LRRC4C: variants seen among roughly 807,000 people sequenced by gnomAD.
LRRC4C encodes the protein leucine-rich repeat-containing protein 4C.
LRRC4C carries 5 observed loss-of-function variants against 33.6 expected under a neutral mutation model. The ratio of observed to expected loss-of-function variants is 0.15; its 90% CI spans 0.08 to 0.31. LRRC4C has a LOEUF of 0.31. Ranked by LOEUF, LRRC4C falls within the 10% of genes least tolerant of loss-of-function variation. The probability of loss-of-function intolerance (pLI) is 1.00; values close to 1 mark genes in which losing one functional copy is unlikely to be tolerated. For synonymous variants in LRRC4C, 329 were observed against 302.0 expected (o/e 1.09, Z -0.93); for missense variants, 560 against 796.7 (o/e 0.70, Z 3.58).
chr11:40,183,200 AT>A (rs202096615), intron 5 of LRRC4C, among the ~76,000 whole-genome samples: 2 of 151,516 alleles, frequency 1.3e-5, no homozygotes, highest in Non-Finnish European at 1.5e-5. Context: ...TAATCAAGGC[AT>A]TTTTTTTTCT....
At chr11:40,192,944 C>G (rs1861964507) in intron 5 of LRRC4C, among the ~76,000 whole-genome samples, 1 of 152,232 alleles carries the variant, frequency 6.6e-6, no homozygotes, top group Non-Finnish European at 1.5e-5. Context: ...AGAAAGGCAG[C>G]AGCCCCAGTC....
intron 2 of LRRC4C, among the ~76,000 whole-genome samples, chr11:40,752,444 T>C (rs1156787651): frequency 6.6e-6 from 1 of 151,892 alleles, no homozygotes; most frequent in East Asian, 1.9e-4. Context: ...ACAAGTAACC[T>C]GAATAAACAA....
intron 3 of LRRC4C, among the ~76,000 whole-genome samples, chr11:40,377,376 T>C (rs887602111): frequency 6.6e-6 from 1 of 152,182 alleles, no homozygotes; most frequent in Non-Finnish European, 1.5e-5. Context: ...ATTAGCACTT[T>C]CTGAGCTGTT....
chr11:40,936,624 C>G (rs1957914547), intron 1 of LRRC4C, among the ~76,000 whole-genome samples: 1 of 152,064 alleles, frequency 6.6e-6, no homozygotes, highest in African/African-American at 2.4e-5. Context: ...GTGTGAGCCA[C>G]CGTGCCCGGC....
chr11:40,501,241 A>T (rs12275404), intron 3 of LRRC4C, among the ~76,000 whole-genome samples: 27,716 of 151,996 alleles, frequency 0.18, 3,151 homozygotes, highest in African/African-American at 0.32. Context: ...CTGCTGTGAG[A>T]GTCTGTGGCT....
At chr11:41,067,766 C>A (rs967463567) in intron 1 of LRRC4C, among the ~76,000 whole-genome samples, 1 of 152,188 alleles carries the variant, frequency 6.6e-6, no homozygotes, top group South Asian at 2.1e-4. Flanking sequence ...TAAAACCACA[C>A]AACTACGTGG....
chr11:40,138,066 C>T (rs1857105610), intron 6 of LRRC4C, among the ~76,000 whole-genome samples: 1 of 152,212 alleles, frequency 6.6e-6, no homozygotes, highest in Admixed American at 6.5e-5. Flanking sequence ...TGTCACTTAA[C>T]CCAAATCACA....
chr11:41,217,631 A>C (rs1947116326), intron 1 of LRRC4C, among the ~76,000 whole-genome samples: 1 of 152,204 alleles, frequency 6.6e-6, no homozygotes, highest in Non-Finnish European at 1.5e-5. Flanking sequence ...GAATCTTAAT[A>C]TTGGCTATAG....
chr11:40,324,286 C>T (rs184760865), intron 3 of LRRC4C, among the ~76,000 whole-genome samples: 9 of 152,246 alleles, frequency 5.9e-5, no homozygotes, highest in Admixed American at 4.6e-4. Context: ...GGCAATAGTG[C>T]AGAGAATAGA....
At chr11:40,705,469 T>C (rs1043059587) in intron 2 of LRRC4C, among the ~76,000 whole-genome samples, 2 of 151,850 alleles carry the variant, frequency 1.3e-5, no homozygotes, top group Non-Finnish European at 2.9e-5. Context: ...TGGTTTTCTG[T>C]CCTTGCCATA....
chr11:40,654,822 C>A (rs1173195855), intron 2 of LRRC4C, among the ~76,000 whole-genome samples: 1 of 152,110 alleles, frequency 6.6e-6, no homozygotes, highest in East Asian at 1.9e-4. Context: ...CCCCATAATA[C>A]CCACGTGTCA....
At chr11:40,633,530 A>G (rs1963700882) in intron 3 of LRRC4C, among the ~76,000 whole-genome samples, 1 of 151,628 alleles carries the variant, frequency 6.6e-6, no homozygotes, top group Admixed American at 6.6e-5. Flanking sequence ...CTGGGATTAC[A>G]GGTGCCCACC....
At chr11:40,572,819 T>C (rs921014907) in intron 3 of LRRC4C, among the ~76,000 whole-genome samples, 1 of 152,180 alleles carries the variant, frequency 6.6e-6, no homozygotes, top group South Asian at 2.1e-4. Context: ...CAAAACCACA[T>C]GCACTATTAC....
At chr11:41,093,270 T>C (rs1205285047) in intron 1 of LRRC4C, among the ~76,000 whole-genome samples, 1 of 152,240 alleles carries the variant, frequency 6.6e-6, no homozygotes, top group African/African-American at 2.4e-5. Flanking sequence ...GCAAGTCTAA[T>C]ACTTACACTG....
intron 1 of LRRC4C, among the ~76,000 whole-genome samples, chr11:41,371,206 G>A (rs1389812240): frequency 6.6e-6 from 1 of 152,114 alleles, no homozygotes; most frequent in African/African-American, 2.4e-5. Context: ...TCACTCTTGG[G>A]AGCTATGACT....
intron 3 of LRRC4C, among the ~76,000 whole-genome samples, chr11:40,501,349 T>C (rs952362318): frequency 6.6e-6 from 1 of 152,188 alleles, no homozygotes; most frequent in Non-Finnish European, 1.5e-5. Context: ...AGCACCCCAG[T>C]GGGGACTCTG....
intron 1 of LRRC4C, among the ~76,000 whole-genome samples, chr11:41,381,932 ATG>A (rs1023208908): frequency 7.1e-6 from 1 of 139,868 alleles, no homozygotes; most frequent in Non-Finnish European, 1.6e-5. Flanking sequence ...GTATATATAT[ATG>A]CATATATATA....
intron 3 of LRRC4C, among the ~76,000 whole-genome samples, chr11:40,555,463 C>A (rs1450207029): frequency 6.6e-6 from 1 of 152,182 alleles, no homozygotes; most frequent in Non-Finnish European, 1.5e-5. Context: ...GGAGGAAAAT[C>A]TATTTCCCCA....
intron 4 of LRRC4C, among the ~76,000 whole-genome samples, chr11:40,318,028 A>T (rs565032336): frequency 8.0e-4 from 122 of 152,272 alleles, no homozygotes; most frequent in African/African-American, 2.7e-3. Context: ...AATTAAAAAT[A>T]TTGATCAGTC....
Sources: allele counts gnomAD v4.1 joint callset (sites outside exome capture counted in the v4.1 genomes callset), GRCh38; gene constraint gnomAD v4.1.1; transcripts MANE v1.5; gene names NCBI Gene and HGNC (gene_info 2026-07-23, HGNC 2026-07-21).